FBXO31: variants seen among roughly 807,000 people sequenced by gnomAD.
FBXO31 encodes F-box only protein 31.
In FBXO31, 24 loss-of-function variants were observed where a neutral mutation model predicts 54.4. That is an observed-to-expected ratio of 0.44 (90% CI 0.32 to 0.62). The LOEUF (loss-of-function observed/expected upper bound fraction) is 0.62, where lower values mean the gene tolerates loss of function less well. Among genes scored for constraint, FBXO31 ranks in the 20% least tolerant of loss-of-function variants. FBXO31 has a pLI of 0.05. For missense variants in FBXO31, 665 were observed against 787.1 expected (o/e 0.84, Z 1.86); for synonymous variants, 388 against 335.6 (o/e 1.16, Z -1.71).
intron 2 of FBXO31, 135 bp from the exon 3 acceptor site, chr16:87,347,385 C>G: frequency 1.3e-6 from 1 of 748,418 alleles, no homozygotes; most frequent in Non-Finnish European, 2.4e-6. Context: ...ACATGCACAC[C>G]AAGCCTCTAA....
At chr16:87,354,923 C>A (rs571885277) in intron 2 of FBXO31, among the ~76,000 whole-genome samples, 1 of 152,134 alleles carries the variant, frequency 6.6e-6, no homozygotes, top group African/African-American at 2.4e-5. Context: ...GCCAAGATCG[C>A]GCCACTGCAC....
chr16:87,366,536 A>G (rs563183781), intron 1 of FBXO31, among the ~76,000 whole-genome samples: 1 of 152,232 alleles, frequency 6.6e-6, no homozygotes, highest in South Asian at 2.1e-4. Context: ...GGTGTGGCAG[A>G]GCTGGGAGGG....
At chr16:87,360,172 T>C (rs1437036371) in intron 2 of FBXO31, 123 bp downstream of exon 2, 1 of 850,386 alleles carries the variant, frequency 1.2e-6, no homozygotes, top group Non-Finnish European at 1.9e-6. Flanking sequence ...AAAATGTGAC[T>C]GTAAGATGGT....
At chr16:87,372,521 G>C (rs1467032457) in intron 1 of FBXO31, among the ~76,000 whole-genome samples, 1 of 152,132 alleles carries the variant, frequency 6.6e-6, no homozygotes, top group Non-Finnish European at 1.5e-5. Context: ...ATCAGAACCA[G>C]TGGGCTCAAC....
chr16:87,374,691 A>G (rs1255336005), intron 1 of FBXO31, among the ~76,000 whole-genome samples: 3 of 152,232 alleles, frequency 2.0e-5, no homozygotes, highest in African/African-American at 4.8e-5. Flanking sequence ...TATGAATTCT[A>G]AATTCAAAAC....
chr16:87,330,995 C>G lies in FBXO31; in HGVS notation c.*293G>C, dbSNP rs185446215. ...CCAGCCCAGGGTGCGGGAACCCCACCGCTTCAATTCTCACGCGGTCCCACG... is the reference window on the plus strand; with the variant it reads ...CCAGCCCAGGGTGCGGGAACCCCACGGCTTCAATTCTCACGCGGTCCCACG... On this transcript the variant is annotated 3_prime_UTR_variant, in exon 9 of 9. Transcript: ENST00000311635. 9 of 337,544 alleles carry G rather than the reference C, an allele frequency of 2.7e-5. No individual in the cohort carries two copies. The highest frequency in any genetic ancestry group is 4.5e-5 in the Non-Finnish European group (8 of 178,976). The allele number at this position is 337,544 out of a possible 1,614,324, so 20.9% of individuals were successfully genotyped here. A position where few individuals can be genotyped will look rare whatever the true frequency, so the allele number is the denominator to read the frequency against.
intron 2 of FBXO31, among the ~76,000 whole-genome samples, chr16:87,360,060 C>T (rs1200059110): frequency 6.6e-6 from 1 of 152,202 alleles, no homozygotes; most frequent in African/African-American, 2.4e-5. Context: ...CTCTAAAGGG[C>T]CTCGATGCCT....
chr16:87,339,713 G>A (rs1422458202), intron 5 of FBXO31, among the ~76,000 whole-genome samples: 1 of 152,220 alleles, frequency 6.6e-6, no homozygotes, highest in Non-Finnish European at 1.5e-5. Context: ...TAAGCGTGCT[G>A]CTATTCCAAT....
At chr16:87,352,703 C>T (rs980830312) in intron 2 of FBXO31, among the ~76,000 whole-genome samples, 7 of 152,164 alleles carry the variant, frequency 4.6e-5, no homozygotes, top group African/African-American at 7.2e-5. Context: ...GCCTGGGAAA[C>T]GTCAGAATAA....
chr16:87,343,811 G>T (rs766837896), intron 3 of FBXO31, 46 bp from the exon 4 acceptor site: 1 of 1,606,308 alleles, frequency 6.2e-7, no homozygotes, highest in Middle Eastern at 1.7e-4. Context: ...TCCCGGGCCA[G>T]AGCAAGGGCG....
intron 2 of FBXO31, among the ~76,000 whole-genome samples, chr16:87,352,772 C>G (rs985024752): frequency 2.0e-5 from 3 of 152,186 alleles, no homozygotes; most frequent in African/African-American, 7.2e-5. Flanking sequence ...ATCTATCTGC[C>G]CTGGGAGCCC....
intron 1 of FBXO31, among the ~76,000 whole-genome samples, chr16:87,379,088 G>A (rs1365400273): frequency 6.6e-6 from 1 of 152,122 alleles, no homozygotes; most frequent in African/African-American, 2.4e-5. Flanking sequence ...AGAACTCTGT[G>A]ACCACTCAGA....
chr16:87,340,720 G>A (rs1905166343), intron 5 of FBXO31, among the ~76,000 whole-genome samples: 1 of 152,204 alleles, frequency 6.6e-6, no homozygotes, highest in Admixed American at 6.5e-5. Flanking sequence ...CACTTTGGGA[G>A]GCCAAGGCGG....
chr16:87,350,390 C>T (rs1161039533), intron 2 of FBXO31, among the ~76,000 whole-genome samples: 1 of 152,154 alleles, frequency 6.6e-6, no homozygotes, highest in Non-Finnish European at 1.5e-5. Context: ...CAGGCTGCTG[C>T]CAGCCATCCC....
At chr16:87,375,812 A>G (rs1482401327) in intron 1 of FBXO31, among the ~76,000 whole-genome samples, 1 of 152,112 alleles carries the variant, frequency 6.6e-6, no homozygotes, top group African/African-American at 2.4e-5. Context: ...CCCCAACATC[A>G]GAAGTACAGA....
chr16:87,351,278 C>G (rs1905643222), intron 2 of FBXO31, among the ~76,000 whole-genome samples: 1 of 152,220 alleles, frequency 6.6e-6, no homozygotes, highest in African/African-American at 2.4e-5. Flanking sequence ...AAGAGCAGAG[C>G]TGGACACGTA....
rs1904813258 is a variant in FBXO31 at position 87,330,516 on chromosome 16, G to A, written c.*772C>T. 6.6e-6 allele frequency: 1 copy of A among 152,572 alleles called. No homozygotes were observed. Among genetic ancestry groups the A allele is most frequent in the African/African-American group, 2.4e-5 (1 of 41,456 alleles). The allele number at this position is 152,572 out of a possible 1,614,324, so 9.5% of individuals were successfully genotyped here. On this transcript the variant is annotated 3_prime_UTR_variant, in exon 9 of 9. Transcript: ENST00000311635. ...GCCCTGTCTGGAACAGGCCGTCGAG[G>A]ACAGTCAAGTGGCTGGAACGATGGC...
Position 87,331,143 on chromosome 16 carries a change from C to T in FBXO31, c.*145G>A. 1 of 686,482 alleles carries T rather than the reference C, an allele frequency of 1.5e-6. No homozygotes were observed. Among genetic ancestry groups the T allele is most frequent in the Non-Finnish European group, 2.5e-6 (1 of 396,888 alleles). The allele number at this position is 686,482 out of a possible 1,614,324, so 42.5% of individuals were successfully genotyped here. A position where few individuals can be genotyped will look rare whatever the true frequency, so the allele number is the denominator to read the frequency against. ...TATGTCACACTCTCTACATAAAGTG[C>T]TGGGGGGTGGCTGGACTGGGCCCCC... On this transcript the variant is annotated 3_prime_UTR_variant, in exon 9 of 9. Coordinates refer to ENST00000311635, the MANE Select transcript of FBXO31 (RefSeq NM_024735.5).
rs755198640 is a variant in FBXO31 at position 87,343,745 on chromosome 16, G to A, written c.510C>T (p.Ile170=). 19 of 1,614,102 alleles carry A rather than the reference G, an allele frequency of 1.2e-5. No individual in the cohort carries two copies. Among genetic ancestry groups the A allele is most frequent in the African/African-American group, 2.7e-5 (2 of 74,946 alleles). Residue 170 remains isoleucine (I), a synonymous_variant, in exon 4 of 9, where the codon ATC becomes ATT. Coordinates refer to ENST00000311635, the MANE Select transcript of FBXO31 (RefSeq NM_024735.5). The part of the protein sequence containing the change: ...LNVVVDGLFI[I]GWMYLPPHDP... ...CATGGGGAGGCAGGTACATCCACCC[G>A]ATGATGAACAGGCCGTCCACCTACA...
Sources: gnomAD v4.1 joint callset for allele counts (sites outside exome capture counted in the v4.1 genomes callset) on GRCh38, gnomAD v4.1.1 for gene constraint, MANE v1.5 for transcripts, NCBI Gene and HGNC (gene_info 2026-07-23, HGNC 2026-07-21) for gene names.